SMAD6: variants seen among roughly 807,000 people sequenced by gnomAD.
SMAD6 encodes the protein MAD homolog 6.
Under a neutral mutation model 39.4 loss-of-function variants are expected in SMAD6, and 103 were observed. The ratio of observed to expected loss-of-function variants is 2.62; its 90% CI spans 2.23 to 3.08. The LOEUF (loss-of-function observed/expected upper bound fraction) is 3.08, where lower values mean the gene tolerates loss of function less well. Among genes scored for constraint, SMAD6 ranks in the 30% most tolerant of loss-of-function variants. The pLI, the probability that SMAD6 is intolerant of heterozygous loss-of-function variation, is 0.00. For synonymous variants in SMAD6, 445 were observed against 353.3 expected, an observed-to-expected ratio of 1.26 and a Z score of -2.91; for missense variants, 1,104 against 742.9, an observed-to-expected ratio of 1.49 and a Z score of -5.65.
intron 1 of SMAD6, chr15:66,706,636 C>G (rs1013307841): frequency 6.6e-6 from 1 of 152,328 alleles, no homozygotes; most frequent in Non-Finnish European, 1.5e-5. Context: ...GGAAGAGGGC[C>G]GGGGCACCGG....
intron 3 of SMAD6, among the ~76,000 whole-genome samples, chr15:66,773,854 G>A (rs1194540040): frequency 2.0e-5 from 3 of 152,130 alleles, no homozygotes; most frequent in Non-Finnish European, 4.4e-5. Context: ...TCTCTTCTTC[G>A]CTCTTGGTAG....
intron 3 of SMAD6, among the ~76,000 whole-genome samples, chr15:66,748,054 C>T (rs1893937448): frequency 6.6e-6 from 1 of 152,162 alleles, no homozygotes; most frequent in African/African-American, 2.4e-5. Context: ...ATAAATCATC[C>T]TAAGAGCACA....
At chr15:66,743,386 A>G (rs1187060736) in intron 3 of SMAD6, among the ~76,000 whole-genome samples, 1 of 150,428 alleles carries the variant, frequency 6.6e-6, no homozygotes, top group Non-Finnish European at 1.5e-5. Context: ...CGGTTTCTGC[A>G]TCTGTAAAAT....
chr15:66,703,646 T>C lies in SMAD6; in HGVS notation c.388T>C (p.Ser130Pro), dbSNP rs1893032616. 8.1e-7 allele frequency: 1 copy of C among 1,232,004 alleles called. No individual in the cohort carries two copies. The allele number at this position is 1,232,004 out of a possible 1,614,324, so 76.3% of individuals were successfully genotyped here. ...DCETVTCCLF[S>P]ERDAAGAPRD... ...CGAGACGGTGACCTGCTGTCTCTTT[T>C]CGGAGCGGGACGCCGCCGGCGCGCC... is the stretch of plus-strand genomic sequence containing the variant. The change falls in exon 1 of 4, where the codon TCG (serine) becomes CCG (proline). Residue 130 changes from serine to proline, a missense_variant. Coordinates refer to ENST00000288840, the MANE Select transcript of SMAD6 (RefSeq NM_005585.5).
intron 3 of SMAD6, among the ~76,000 whole-genome samples, chr15:66,731,437 CAAAAAAA>C (rs58387784): frequency 3.2e-5 from 4 of 126,826 alleles, no homozygotes; most frequent in Non-Finnish European, 5.0e-5. Flanking sequence ...GACTCCGTCT[CAAAAAAA>C]AAAAAAAAAA....
chr15:66,775,940 C>A (rs1894459832), intron 3 of SMAD6, among the ~76,000 whole-genome samples: 1 of 152,182 alleles, frequency 6.6e-6, no homozygotes, highest in Non-Finnish European at 1.5e-5. Flanking sequence ...GTGGGAAGTA[C>A]AGAGTGGGGA....
intron 3 of SMAD6, among the ~76,000 whole-genome samples, chr15:66,738,048 T>C (rs560256734): frequency 2.0e-5 from 3 of 152,332 alleles, no homozygotes; most frequent in East Asian, 3.9e-4. Context: ...CAAGGACATT[T>C]ACATTGCTAT....
intron 3 of SMAD6, among the ~76,000 whole-genome samples, chr15:66,738,644 C>G (rs1464922289): frequency 1.3e-5 from 2 of 152,148 alleles, no homozygotes; most frequent in Non-Finnish European, 2.9e-5. Flanking sequence ...CATGTTGCAC[C>G]CAGGCTTCCA....
At chr15:66,765,165 G>A (rs1894267023) in intron 3 of SMAD6, among the ~76,000 whole-genome samples, 1 of 152,144 alleles carries the variant, frequency 6.6e-6, no homozygotes, top group Non-Finnish European at 1.5e-5. Flanking sequence ...CTTTCCTTCA[G>A]CCAGCGAGGA....
At chr15:66,713,100 G>C (rs549716729) in intron 2 of SMAD6, among the ~76,000 whole-genome samples, 1 of 152,328 alleles carries the variant, frequency 6.6e-6, no homozygotes, top group South Asian at 2.1e-4. Context: ...GATGGAATCT[G>C]TGGGATCCTG....
At chr15:66,732,690 C>T (rs555669196) in intron 3 of SMAD6, among the ~76,000 whole-genome samples, 1 of 152,144 alleles carries the variant, frequency 6.6e-6, no homozygotes, top group South Asian at 2.1e-4. Context: ...TGTTTGTTTT[C>T]TTATTATTGA....
intron 3 of SMAD6, among the ~76,000 whole-genome samples, chr15:66,745,293 C>G (rs943322107): frequency 8.5e-5 from 13 of 152,138 alleles, no homozygotes; most frequent in African/African-American, 2.4e-5. Context: ...GGCCCTGAGC[C>G]CCCTACCCGC....
At position 66,711,711 on chromosome 15, in the gene SMAD6, G is replaced by A. The variant is rs754018703; in HGVS notation, c.861G>A (p.Glu287=). ...PPYSRLSPRD[E]YKPLDLSDST... is the part of the protein sequence containing the mutation. ...ACTCTCGGCTGTCTCCTCGCGACGA[G>A]TACAAGCCACTGGGTAAGTGTGCCC... Residue 287 remains glutamate (E), a synonymous_variant, in exon 2 of 4, where the codon GAG becomes GAA. Coordinates refer to ENST00000288840, the MANE Select transcript of SMAD6 (RefSeq NM_005585.5). The A allele has an allele frequency of 1.9e-6, 3 of 1,613,330 alleles. No individual in the cohort carries two copies. Among genetic ancestry groups the A allele is most frequent in the Non-Finnish European group, 1.7e-6 (2 of 1,179,818 alleles).
intron 3 of SMAD6, among the ~76,000 whole-genome samples, chr15:66,716,822 C>T (rs898071988): frequency 6.6e-6 from 1 of 152,226 alleles, no homozygotes; most frequent in Admixed American, 6.5e-5. Context: ...TCCTCTTCCC[C>T]CAGCTGCGAG....
chr15:66,782,510 CAG>C lies in SMAD6; in HGVS notation c.*977_*978del, dbSNP rs1252709366. 1 of 152,218 alleles carries C rather than the reference CAG, an allele frequency of 6.6e-6. No individual in the cohort carries two copies. Among genetic ancestry groups the C allele is most frequent in the Non-Finnish European group, 1.5e-5 (1 of 68,050 alleles). The allele number at this position is 152,218 out of a possible 1,614,324, so 9.4% of individuals were successfully genotyped here. ...TCCCACCCCCCAGCCAAAAATAGCT[CAG>C]AATCTGCCCATCCAGGGCTGTATTA... On this transcript the variant is annotated 3_prime_UTR_variant, in exon 4 of 4. Coordinates refer to ENST00000288840, the MANE Select transcript of SMAD6 (RefSeq NM_005585.5).
chr15:66,754,944 G>A (rs754234940), intron 3 of SMAD6, among the ~76,000 whole-genome samples: 11 of 152,122 alleles, frequency 7.2e-5, no homozygotes, highest in Admixed American at 3.3e-4. Flanking sequence ...TAGGGGCTGA[G>A]GGATAGGCTG....
chr15:66,706,598 TAAG>T (rs1893116493), intron 1 of SMAD6: 1 of 152,282 alleles, frequency 6.6e-6, no homozygotes, highest in South Asian at 2.1e-4. Context: ...CGCGTCCTGA[TAAG>T]GAGACTGCGC....
chr15:66,737,825 G>T (rs1409575628), intron 3 of SMAD6, among the ~76,000 whole-genome samples: 1 of 152,104 alleles, frequency 6.6e-6, no homozygotes, highest in Non-Finnish European at 1.5e-5. Context: ...CCAGTGACGC[G>T]GAGCTGAGCC....
chr15:66,758,809 C>T (rs528958183), intron 3 of SMAD6, among the ~76,000 whole-genome samples: 2 of 151,842 alleles, frequency 1.3e-5, no homozygotes, highest in South Asian at 4.2e-4. Context: ...AGAGACACAC[C>T]TTAACAAAAT....
Sources: gnomAD v4.1 joint callset for allele counts (sites outside exome capture counted in the v4.1 genomes callset) on GRCh38, gnomAD v4.1.1 for gene constraint, MANE v1.5 for transcripts, NCBI Gene and HGNC (gene_info 2026-07-23, HGNC 2026-07-21) for gene names.